PTK2: variants seen among roughly 807,000 people sequenced by gnomAD.
PTK2 encodes protein tyrosine kinase 2.
A neutral mutation model predicts 150.1 loss-of-function variants in PTK2; 45 were observed. The observed-to-expected ratio is 0.30, with a 90% CI of 0.24 to 0.38. The LOEUF (loss-of-function observed/expected upper bound fraction) is 0.38, where lower values mean the gene tolerates loss of function less well. PTK2 is among the 10% of genes least tolerant of loss of function. The pLI is 1.00. For missense variants in PTK2, 919 were observed against 1,307.3 expected (o/e 0.70, Z 4.58); for synonymous variants, 432 against 449.2 (o/e 0.96, Z 0.48).
chr8:140,888,970 C>T (rs1196166392), intron 3 of PTK2, among the ~76,000 whole-genome samples: 1 of 152,058 alleles, frequency 6.6e-6, no homozygotes, highest in Non-Finnish European at 1.5e-5. Flanking sequence ...TATGAATTAT[C>T]TGATAAACCT....
At chr8:140,661,599 T>G (rs372974605) in intron 31 of PTK2, among the ~76,000 whole-genome samples, 1 of 152,116 alleles carries the variant, frequency 6.6e-6, no homozygotes, top group Admixed American at 6.5e-5. Flanking sequence ...TGAGAAGAAC[T>G]ACCAGAGTGA....
chr8:140,761,376 T>C, intron 15 of PTK2, 114 bp from the exon 19 acceptor site: 1 of 843,720 alleles, frequency 1.2e-6, no homozygotes, highest in Non-Finnish European at 2.0e-6. Context: ...GGCACATCAA[T>C]CTATGAAAAT....
At chr8:140,904,064 T>C (rs979933128) in intron 2 of PTK2, among the ~76,000 whole-genome samples, 1 of 152,224 alleles carries the variant, frequency 6.6e-6, no homozygotes, top group Non-Finnish European at 1.5e-5. Flanking sequence ...AGAGACGGCA[T>C]CCTTGTCTTG....
At chr8:140,856,025 A>T (rs1290474348) in intron 5 of PTK2, among the ~76,000 whole-genome samples, 2 of 152,198 alleles carry the variant, frequency 1.3e-5, no homozygotes, top group Non-Finnish European at 2.9e-5. Context: ...GTTTAAGCAG[A>T]TTTTCAAAAA....
chr8:140,969,215 A>G lies in PTK2; in HGVS notation c.-122+31910T>C, dbSNP rs147813919. On this transcript the variant is annotated intron_variant, in intron 1 of 31. Coordinates refer to ENST00000522684, the Ensembl canonical transcript of PTK2. Reference sequence around the variant, plus strand: ...GTCTCCTCCTAACATAACATCCAAAAAGTCGGGGATACAATCCAAACTTAC... The same window carrying G: ...GTCTCCTCCTAACATAACATCCAAAGAGTCGGGGATACAATCCAAACTTAC... Among the ~76,000 whole-genome samples the G allele has an allele frequency of 5.4e-3, 821 of 152,232 alleles. 2 individuals are homozygous for G. The highest frequency in any genetic ancestry group is 9.2e-3 in the Admixed American group (140 of 15,288).
At chr8:140,762,939 C>A (rs1178145082) in intron 15 of PTK2, among the ~76,000 whole-genome samples, 2 of 152,112 alleles carry the variant, frequency 1.3e-5, no homozygotes, top group Non-Finnish European at 2.9e-5. Context: ...TGCTACCACG[C>A]CTGCCTAATT....
intron 7 of PTK2, among the ~76,000 whole-genome samples, chr8:140,843,154 C>T (rs1439483749): frequency 6.6e-6 from 1 of 152,162 alleles, no homozygotes; most frequent in East Asian, 1.9e-4. Context: ...GCCAAATTTA[C>T]ACTAACTTCA....
chr8:140,831,919 A>G (rs1186496447), intron 7 of PTK2, among the ~76,000 whole-genome samples: 1 of 152,222 alleles, frequency 6.6e-6, no homozygotes, highest in Non-Finnish European at 1.5e-5. Flanking sequence ...TTTTATGCCA[A>G]TCACTACGGA....
At chr8:140,675,676 G>A (rs963074107) in intron 27 of PTK2, 177 bp from the exon 31 acceptor site, 6 of 566,258 alleles carry the variant, frequency 1.1e-5, no homozygotes, top group East Asian at 2.9e-5. Flanking sequence ...AGGCAAATAA[G>A]CAAATGATGC....
intron 31 of PTK2, among the ~76,000 whole-genome samples, chr8:140,664,029 G>A (rs539909479): frequency 1.3e-5 from 2 of 152,084 alleles, no homozygotes; most frequent in South Asian, 4.2e-4. Flanking sequence ...TCTGTTGCAG[G>A]CTGGAGTGCA....
chr8:140,714,761 C>G (rs1360000541), intron 23 of PTK2, among the ~76,000 whole-genome samples: 1 of 125,808 alleles, frequency 7.9e-6, no homozygotes, highest in Admixed American at 1.0e-4. Context: ...TGCGCCACTG[C>G]ACTCCAGCCC....
In PTK2 at chr8:140,701,032, G is replaced by C; in HGVS notation, c.2368-10C>G. ...CCAATACTGTAGAGTCCTGGAAGAA[G>C]GGTTGAAAACAGCATATTCAGTCTC... On this transcript the variant is annotated splice_polypyrimidine_tract_variant and intron_variant, in intron 25 of 31. Transcript: ENST00000522684. 6.2e-7 allele frequency: 1 copy of C among 1,612,564 alleles called. No homozygotes were observed. Among genetic ancestry groups the C allele is most frequent in the Non-Finnish European group, 8.5e-7 (1 of 1,179,222 alleles).
chr8:140,778,954 G>C (rs1473887918), intron 14 of PTK2, among the ~76,000 whole-genome samples: 1 of 152,020 alleles, frequency 6.6e-6, no homozygotes, highest in African/African-American at 2.4e-5. Flanking sequence ...AGCACCACTG[G>C]AAGAATGGAG....
chr8:140,890,333 G>T, intron 3 of PTK2: 1 of 466,828 alleles, frequency 2.1e-6, no homozygotes, highest in South Asian at 4.5e-5. Context: ...ATATGATTCA[G>T]TCATTATTTT....
intron 27 of PTK2, among the ~76,000 whole-genome samples, chr8:140,682,811 A>G (rs1418630701): frequency 6.6e-6 from 1 of 152,242 alleles, no homozygotes; most frequent in East Asian, 1.9e-4. Flanking sequence ...TAATAAGTAC[A>G]AAGATACAAC....
intron 1 of PTK2, among the ~76,000 whole-genome samples, chr8:140,952,340 G>A (rs1273085828): frequency 6.6e-6 from 1 of 152,046 alleles, no homozygotes; most frequent in Non-Finnish European, 1.5e-5. Context: ...CAAATAGAGG[G>A]GCTGTGACCT....
At chr8:140,868,103 C>T (rs1482619686) in intron 4 of PTK2, among the ~76,000 whole-genome samples, 1 of 152,124 alleles carries the variant, frequency 6.6e-6, no homozygotes, top group Non-Finnish European at 1.5e-5. Flanking sequence ...ATCCAGCTTC[C>T]TCAGTCTTAC....
At chr8:140,732,891 A>G (rs1188626667) in intron 22 of PTK2, among the ~76,000 whole-genome samples, 1 of 152,154 alleles carries the variant, frequency 6.6e-6, no homozygotes, top group Non-Finnish European at 1.5e-5. Flanking sequence ...GATCTCCCCA[A>G]ATGAAGAAGG....
intron 14 of PTK2, among the ~76,000 whole-genome samples, chr8:140,769,916 A>C (rs2100074591): frequency 6.6e-6 from 1 of 152,342 alleles, no homozygotes; most frequent in African/African-American, 2.4e-5. Context: ...TGCCTCTTAC[A>C]ATTAAATTTT....
Sources: allele counts gnomAD v4.1 joint callset (sites outside exome capture counted in the v4.1 genomes callset), GRCh38; gene constraint gnomAD v4.1.1; transcripts MANE v1.5; gene names NCBI Gene and HGNC (gene_info 2026-07-23, HGNC 2026-07-21).